The following SNX29 variants were observed in gnomAD, a reference collection of about 807,000 sequenced individuals.
The protein encoded by SNX29 is sorting nexin-29.
SNX29 carries 78 observed loss-of-function variants against 102.1 expected under a neutral mutation model. The ratio of observed to expected loss-of-function variants is 0.76; its 90% CI spans 0.64 to 0.92. SNX29 has a LOEUF of 0.92. Ranked by LOEUF, SNX29 falls within the 40% of genes least tolerant of loss-of-function variation. The pLI, the probability that SNX29 is intolerant of heterozygous loss-of-function variation, is 0.00. For missense variants in SNX29, 1,280 were observed against 1,061.7 expected (o/e 1.21, Z -2.86); for synonymous variants, 580 against 414.5 (o/e 1.40, Z -4.85).
chr16:12,523,943 A>G (rs138825281), intron 19 of SNX29, among the ~76,000 whole-genome samples: 106 of 152,078 alleles, frequency 7.0e-4, no homozygotes, highest in Admixed American at 1.0e-3. Context: ...CTGGAGTGCA[A>G]TGGTGCCATC....
At chr16:12,182,420 C>A (rs963203356) in intron 13 of SNX29, among the ~76,000 whole-genome samples, 4 of 152,204 alleles carry the variant, frequency 2.6e-5, no homozygotes, top group African/African-American at 7.2e-5. Context: ...TGGATTAGAG[C>A]TCATTTTGCT....
intron 1 of SNX29, among the ~76,000 whole-genome samples, chr16:11,994,514 C>T (rs1485283401): frequency 1.3e-5 from 2 of 152,204 alleles, no homozygotes; most frequent in Admixed American, 1.3e-4. Flanking sequence ...TCCAGGATCC[C>T]ATGGACTTGG....
At chr16:12,454,831 C>T (rs1469662760) in intron 18 of SNX29, among the ~76,000 whole-genome samples, 2 of 151,210 alleles carry the variant, frequency 1.3e-5, no homozygotes, top group East Asian at 3.9e-4. Flanking sequence ...GCACTTCTGC[C>T]TCAGCCTCCC....
At chr16:12,544,034 CATCACATTGCAAAGCCACAGGA>C (rs1290152322) in intron 20 of SNX29, among the ~76,000 whole-genome samples, 1 of 152,214 alleles carries the variant, frequency 6.6e-6, no homozygotes, top group Non-Finnish European at 1.5e-5. Context: ...CCCGTTGACT[CATCACATTGCAAAGCCACAGGA>C]ATCACATTGG....
intron 2 of SNX29, among the ~76,000 whole-genome samples, chr16:12,001,887 G>A (rs9929844): frequency 0.41 from 62,268 of 151,380 alleles, 13,730 homozygotes; most frequent in Non-Finnish European, 0.5. Context: ...GGACCTGGTG[G>A]CACGTTCCTG....
Position 12,574,206 on chromosome 16 carries a change from G to C in SNX29, c.*5577G>C, listed in dbSNP as rs2079245474. On this transcript the variant is annotated 3_prime_UTR_variant, in exon 21 of 21. Transcript: ENST00000566228. Reference sequence around the variant, plus strand: ...AAATTTTCTTTTGGAATAAGCTGTGGAAATTTTGTTACAACCTGGTTGAGA... The same window carrying C: ...AAATTTTCTTTTGGAATAAGCTGTGCAAATTTTGTTACAACCTGGTTGAGA... 5.6e-6 allele frequency: 1 copy of C among 178,096 alleles called. No homozygotes were observed. Among genetic ancestry groups the C allele is most frequent in the African/African-American group, 2.4e-5 (1 of 42,248 alleles). 11.0% of individuals were successfully genotyped at this position (178,096 alleles called of 1,614,324 possible). A position where few individuals can be genotyped will look rare whatever the true frequency, so the allele number is the denominator to read the frequency against.
intron 6 of SNX29, among the ~76,000 whole-genome samples, chr16:12,047,899 C>T (rs2050151844): frequency 6.6e-6 from 1 of 151,984 alleles, no homozygotes; most frequent in African/African-American, 2.4e-5. Flanking sequence ...TCAGGTGATC[C>T]ACCTGTCTCA....
intron 18 of SNX29, among the ~76,000 whole-genome samples, chr16:12,443,546 C>G (rs1050407782): frequency 1.3e-5 from 2 of 152,160 alleles, no homozygotes; most frequent in Non-Finnish European, 2.9e-5. Context: ...TCTGCCTCCC[C>G]TTCAAGCGAT....
At chr16:11,996,572 T>A (rs2056081208) in intron 1 of SNX29, among the ~76,000 whole-genome samples, 1 of 152,180 alleles carries the variant, frequency 6.6e-6, no homozygotes, top group South Asian at 2.1e-4. Context: ...GCTTTTATGA[T>A]GAGAAAAAAA....
At position 12,288,308 on chromosome 16, in the gene SNX29, A is replaced by G. The variant is rs1392505902; in HGVS notation, c.1782+10272A>G. Among the ~76,000 whole-genome samples the G allele has an allele frequency of 2.0e-5, 3 of 152,290 alleles. No homozygotes were observed. In the East Asian group the frequency reaches 5.8e-4, roughly 29 times the overall value. On this transcript the variant is annotated intron_variant, in intron 15 of 20. Transcript: ENST00000566228. ...CATCCAGGAGTTACGGCCCCTTTCC[A>G]TGGCAATGACCCAATGACTCAAAAG...
At chr16:12,304,422 G>A (rs1000408282) in intron 15 of SNX29, among the ~76,000 whole-genome samples, 9 of 152,192 alleles carry the variant, frequency 5.9e-5, no homozygotes, top group Non-Finnish European at 8.8e-5. Flanking sequence ...ACAGGTGCAC[G>A]CCACCATGTC....
At chr16:12,554,386 C>T (rs111675727) in intron 20 of SNX29, among the ~76,000 whole-genome samples, 2,794 of 152,086 alleles carry the variant, frequency 0.018, 57 homozygotes, top group African/African-American at 0.053. Context: ...TTCTGTGCCC[C>T]GTGCATGGGT....
At chr16:12,104,975 C>A (rs931692291) in intron 11 of SNX29, among the ~76,000 whole-genome samples, 1 of 152,182 alleles carries the variant, frequency 6.6e-6, no homozygotes, top group Non-Finnish European at 1.5e-5. Flanking sequence ...AGAGTTGGCT[C>A]CAAATGCAGA....
chr16:12,550,502 T>C (rs1597935272), intron 20 of SNX29, among the ~76,000 whole-genome samples: 2 of 145,002 alleles, frequency 1.4e-5, no homozygotes, highest in Admixed American at 7.0e-5. Context: ...GTCATTACAT[T>C]CCAGTCTGGG....
intron 12 of SNX29, among the ~76,000 whole-genome samples, chr16:12,128,785 A>G (rs917781209): frequency 2.0e-5 from 3 of 151,990 alleles, no homozygotes; most frequent in South Asian, 4.2e-4. Context: ...TCACGTGGCA[A>G]GTGTCCTCTG....
At chr16:12,458,809 C>T (rs2086645179) in intron 18 of SNX29, among the ~76,000 whole-genome samples, 1 of 152,190 alleles carries the variant, frequency 6.6e-6, no homozygotes, top group Non-Finnish European at 1.5e-5. Flanking sequence ...CTGGCCACAG[C>T]TCATTGGCCC....
intron 13 of SNX29, among the ~76,000 whole-genome samples, chr16:12,193,775 C>T (rs886662904): frequency 1.3e-5 from 2 of 152,310 alleles, no homozygotes; most frequent in Admixed American, 1.3e-4. Flanking sequence ...GAAGCGCCTT[C>T]CTACCTTCGT....
intron 18 of SNX29, among the ~76,000 whole-genome samples, chr16:12,454,296 T>G (rs1228367713): frequency 6.6e-6 from 1 of 152,194 alleles, no homozygotes; most frequent in Non-Finnish European, 1.5e-5. Flanking sequence ...CAGTCCCTGA[T>G]GACTAAGGAG....
chr16:12,472,069 A>G (rs538186253), intron 18 of SNX29, among the ~76,000 whole-genome samples: 2 of 152,402 alleles, frequency 1.3e-5, no homozygotes, highest in South Asian at 4.1e-4. Context: ...ACAGGTGGAT[A>G]CAAACAGGGA....
Sources: gnomAD v4.1 joint callset for allele counts (sites outside exome capture counted in the v4.1 genomes callset) on GRCh38, gnomAD v4.1.1 for gene constraint, MANE v1.5 for transcripts, NCBI Gene and HGNC (gene_info 2026-07-23, HGNC 2026-07-21) for gene names.